The following DEF8 variants were observed in gnomAD, a reference collection of about 807,000 sequenced individuals.
The protein encoded by DEF8 is differentially expressed in FDCP 8 homolog.
In DEF8, 38 loss-of-function variants were observed where a neutral mutation model predicts 59.1. That is an observed-to-expected ratio of 0.64 (90% CI 0.50 to 0.84). The LOEUF (loss-of-function observed/expected upper bound fraction) is 0.84, where lower values mean the gene tolerates loss of function less well. DEF8 is among the 40% of genes least tolerant of loss of function. The pLI is 0.00. For missense variants in DEF8, 557 were observed against 615.2 expected (o/e 0.91, Z 1.00); for synonymous variants, 265 against 250.1 (o/e 1.06, Z -0.56).
intron 2 of DEF8, among the ~76,000 whole-genome samples, chr16:89,953,884 G>T (rs962121436): frequency 6.6e-6 from 1 of 152,204 alleles, no homozygotes; most frequent in Non-Finnish European, 1.5e-5. Flanking sequence ...TGGGGCTGAG[G>T]CCCAGAGAGG....
chr16:89,953,380 C>T (rs1029261793), intron 2 of DEF8, among the ~76,000 whole-genome samples: 1 of 152,186 alleles, frequency 6.6e-6, no homozygotes, highest in Admixed American at 6.5e-5. Flanking sequence ...TCCCTTCCTC[C>T]CTGCCAGGAG....
chr16:89,956,207 A>T (rs1267691619), intron 4 of DEF8, among the ~76,000 whole-genome samples: 1 of 152,136 alleles, frequency 6.6e-6, no homozygotes, highest in African/African-American at 2.4e-5. Context: ...CCTGTAATCC[A>T]GCACTTTGGG....
At chr16:89,950,083 T>C (rs1360154341) in intron 2 of DEF8, 1 of 991,460 alleles carries the variant, frequency 1.0e-6, no homozygotes, top group African/African-American at 1.7e-5. Flanking sequence ...GGAGAGCTGG[T>C]AGCCTAGAGT....
intron 6 of DEF8, 88 bp from the exon 7 acceptor site, chr16:89,960,843 C>G: frequency 6.9e-7 from 1 of 1,441,412 alleles, no homozygotes; most frequent in African/African-American, 1.4e-5. Context: ...GAGTGGAACC[C>G]ACGGGGAGGG....
chr16:89,962,172 TG>T, intron 9 of DEF8, 47 bp downstream of exon 9: 1 of 1,546,522 alleles, frequency 6.5e-7, no homozygotes, highest in Non-Finnish European at 8.9e-7. Context: ...CTGTGTCAGG[TG>T]GGCCCTAGGG....
chr16:89,963,452 G>C lies in DEF8; in HGVS notation c.1002+9G>C. 1 of 1,611,832 alleles carries C rather than the reference G, an allele frequency of 6.2e-7. No homozygotes were observed. The highest frequency in any genetic ancestry group is 8.5e-7 in the Non-Finnish European group (1 of 1,178,654). ...CTCGTCTGCTGCTGCAGGTCAGACT[G>C]CCAGCAGGACTGGCCCCCGATGGGA... On this transcript the variant is annotated intron_variant, in intron 10 of 12. Coordinates refer to ENST00000563594, the MANE Select transcript of DEF8 (RefSeq NM_001242818.2).
chr16:89,959,312 A>C lies in DEF8; in HGVS notation c.514+157A>C. On this transcript the variant is annotated intron_variant, in intron 6 of 12. Coordinates refer to ENST00000563594, the MANE Select transcript of DEF8 (RefSeq NM_001242818.2). Reference sequence around the variant, plus strand: ...AACTAAATATGCATTTCCTCGTTGTACTGTCTACATTGGACAGGGCTGTTC... The same window carrying C: ...AACTAAATATGCATTTCCTCGTTGTCCTGTCTACATTGGACAGGGCTGTTC... The C allele has an allele frequency of 3.4e-6, 5 of 1,487,602 alleles. No individual in the cohort carries two copies. In the African/African-American group the frequency reaches 7.0e-5, roughly 21 times the overall value. 92.2% of individuals were successfully genotyped at this position (1,487,602 alleles called of 1,614,324 possible). A position where few individuals can be genotyped will look rare whatever the true frequency, so the allele number is the denominator to read the frequency against.
chr16:89,957,316 C>T (rs186342629), intron 4 of DEF8, 195 bp from the exon 5 acceptor site: 273 of 555,750 alleles, frequency 4.9e-4, no homozygotes, highest in Middle Eastern at 1.9e-3. Context: ...GCTAGGAGCA[C>T]GCAGCACCGG....
intron 3 of DEF8, 56 bp from the exon 4 acceptor site, chr16:89,955,113 G>A: frequency 1.5e-6 from 2 of 1,369,850 alleles, no homozygotes; most frequent in Non-Finnish European, 2.1e-6. Flanking sequence ...CTCCCTAGGG[G>A]ATGGGAGGCA....
intron 1 of DEF8, among the ~76,000 whole-genome samples, 172 bp from the exon 2 acceptor site, chr16:89,949,245 A>AG (rs2031473032): frequency 6.6e-6 from 1 of 151,590 alleles, no homozygotes; most frequent in Admixed American, 6.6e-5. Context: ...CGGGCGGCTC[A>AG]GGGGACCCGC....
intron 6 of DEF8, 89 bp from the exon 7 acceptor site, chr16:89,960,842 C>G (rs1597509228): frequency 1.1e-5 from 16 of 1,427,980 alleles, no homozygotes; most frequent in Non-Finnish European, 1.5e-5. Context: ...AGAGTGGAAC[C>G]CACGGGGAGG....
At position 89,961,733 on chromosome 16, in the gene DEF8, G is replaced by A. The variant is rs751727627; in HGVS notation, c.680-4G>A. 6.2e-7 allele frequency: 1 copy of A among 1,613,136 alleles called. No homozygotes were observed. Among genetic ancestry groups the A allele is most frequent in the Non-Finnish European group, 8.5e-7 (1 of 1,179,998 alleles). Reference sequence around the variant, plus strand: ...GGACACTCAGGGCCCCTCTGACCCTGCAGGGGGTGTGCCCAGTGAGGCCAG... The same window carrying A: ...GGACACTCAGGGCCCCTCTGACCCTACAGGGGGTGTGCCCAGTGAGGCCAG... On this transcript the variant is annotated splice_polypyrimidine_tract_variant and splice_region_variant and intron_variant, in intron 7 of 12. Transcript: ENST00000563594.
intron 9 of DEF8, 126 bp from the exon 10 acceptor site, chr16:89,963,237 C>T (rs144445236): frequency 2.9e-6 from 2 of 690,150 alleles, no homozygotes; most frequent in African/African-American, 3.7e-5. Flanking sequence ...GTGAAGCACT[C>T]AGATCTCGGC....
intron 2 of DEF8, among the ~76,000 whole-genome samples, chr16:89,951,009 T>C (rs186953985): frequency 1.3e-5 from 2 of 152,314 alleles, no homozygotes; most frequent in Non-Finnish European, 2.9e-5. Flanking sequence ...TAAATTATAA[T>C]CAATATTTAT....
chr16:89,949,686 G>A, intron 2 of DEF8, 173 bp downstream of exon 2: 6 of 1,543,360 alleles, frequency 3.9e-6, no homozygotes, highest in Non-Finnish European at 5.3e-6. Flanking sequence ...GTCCCTCCGT[G>A]CCCCGGAACC....
intron 2 of DEF8, chr16:89,949,935 A>C: frequency 6.1e-6 from 5 of 825,390 alleles, no homozygotes; most frequent in Non-Finnish European, 8.1e-6. Flanking sequence ...CGGCATCCCC[A>C]GGTCTGTGTG....
In DEF8 at chr16:89,967,085, A is replaced by G; in HGVS notation, c.*1122A>G. On this transcript the variant is annotated 3_prime_UTR_variant, in exon 13 of 13. Transcript: ENST00000563594. Reference sequence around the variant, plus strand: ...GGGGACACTTGGCTTTGGTGTTTGCACTTTACAGATCCTGCGGTCCACGAG... The same window carrying G: ...GGGGACACTTGGCTTTGGTGTTTGCGCTTTACAGATCCTGCGGTCCACGAG... The G allele has an allele frequency of 2.6e-6, 1 of 391,524 alleles. No homozygotes were observed. Among genetic ancestry groups the G allele is most frequent in the Non-Finnish European group, 4.5e-6 (1 of 222,092 alleles). 24.3% of individuals were successfully genotyped at this position (391,524 alleles called of 1,614,324 possible).
chr16:89,968,026 C>G lies in DEF8; in HGVS notation c.*2063C>G, dbSNP rs2034701311. The G allele has an allele frequency of 6.6e-6, 1 of 152,378 alleles. No individual in the cohort carries two copies. Among genetic ancestry groups the G allele is most frequent in the African/African-American group, 2.4e-5 (1 of 41,470 alleles). 9.4% of individuals were successfully genotyped at this position (152,378 alleles called of 1,614,324 possible). A position where few individuals can be genotyped will look rare whatever the true frequency, so the allele number is the denominator to read the frequency against. On this transcript the variant is annotated 3_prime_UTR_variant, in exon 13 of 13. Coordinates refer to ENST00000563594, the MANE Select transcript of DEF8 (RefSeq NM_001242818.2). The stretch of plus-strand genomic sequence containing the variant: ...TGAGGGATGCCCAGTTGTAACAATG[C>G]TGCTGTCACTGTCTCATTAAATATA...
chr16:89,963,925 G>A (rs2034351247), intron 10 of DEF8: 1 of 607,044 alleles, frequency 1.6e-6, no homozygotes, highest in Non-Finnish European at 3.0e-6. Flanking sequence ...CGGGGATGCG[G>A]TGTGGCTGGG....
Sources: gnomAD v4.1 joint callset for allele counts (sites outside exome capture counted in the v4.1 genomes callset) on GRCh38, gnomAD v4.1.1 for gene constraint, MANE v1.5 for transcripts, NCBI Gene and HGNC (gene_info 2026-07-23, HGNC 2026-07-21) for gene names.